Variants in CNTN4 observed in about 807,000 individuals in gnomAD.
CNTN4 encodes contactin-4.
A neutral mutation model predicts 122.5 loss-of-function variants in CNTN4; 77 were observed. The observed-to-expected ratio is 0.63, with a 90% confidence interval of 0.52 to 0.76. CNTN4 has a LOEUF of 0.76. Among genes scored for constraint, CNTN4 ranks in the 30% least tolerant of loss-of-function variants. The probability of loss-of-function intolerance (pLI) is 0.00; values close to 1 mark genes in which losing one functional copy is unlikely to be tolerated. For synonymous variants in CNTN4, 512 were observed against 447.0 expected (o/e 1.15, Z -1.83); for missense variants, 1,256 against 1,259.1 (o/e 1.00, Z 0.04).
intron 4 of CNTN4, among the ~76,000 whole-genome samples, chr3:2,691,046 T>C (rs938068035): frequency 6.6e-6 from 1 of 152,182 alleles, no homozygotes; most frequent in Non-Finnish European, 1.5e-5. Context: ...AGCTTTGCCC[T>C]TGTGATCTTT....
intron 3 of CNTN4, among the ~76,000 whole-genome samples, chr3:2,392,144 C>G (rs892091499): frequency 1.3e-5 from 2 of 152,220 alleles, no homozygotes; most frequent in Non-Finnish European, 2.9e-5. Flanking sequence ...CACACTGTCT[C>G]TCAGCCTTCC....
At chr3:2,604,081 A>T (rs150474990) in intron 4 of CNTN4, among the ~76,000 whole-genome samples, 1 of 152,158 alleles carries the variant, frequency 6.6e-6, no homozygotes, top group Admixed American at 6.5e-5. Context: ...TGGAAGTGAG[A>T]TGTAATTTCT....
chr3:2,988,861 T>C (rs1694817384), intron 14 of CNTN4: 1 of 250,296 alleles, frequency 4.0e-6, no homozygotes, highest in African/African-American at 2.3e-5. Context: ...AAAACATTGT[T>C]TAAACAATGA....
At chr3:2,288,932 G>A (rs1720198) in intron 2 of CNTN4, among the ~76,000 whole-genome samples, 9,997 of 152,128 alleles carry the variant, frequency 0.066, 364 homozygotes, top group African/African-American at 0.079. Flanking sequence ...GTTAAATGAA[G>A]GCATTTTATA....
At chr3:2,645,002 A>C (rs2083057403) in intron 4 of CNTN4, among the ~76,000 whole-genome samples, 1 of 151,670 alleles carries the variant, frequency 6.6e-6, no homozygotes, top group African/African-American at 2.4e-5. Context: ...AAATTTAAAG[A>C]TGGGTGTGGA....
At chr3:2,758,081 A>G (rs2090420013) in intron 6 of CNTN4, among the ~76,000 whole-genome samples, 1 of 152,164 alleles carries the variant, frequency 6.6e-6, no homozygotes, top group Admixed American at 6.5e-5. Context: ...GCTCTACCTC[A>G]TAAAATTTAG....
chr3:2,657,514 G>T (rs12497767), intron 4 of CNTN4, among the ~76,000 whole-genome samples: 24,674 of 152,092 alleles, frequency 0.16, 2,144 homozygotes, highest in African/African-American at 0.22. Context: ...GAGGTTTTGC[G>T]TTTGTGAATT....
intron 6 of CNTN4, among the ~76,000 whole-genome samples, chr3:2,811,499 C>A (rs935158651): frequency 4.6e-5 from 7 of 150,734 alleles, no homozygotes; most frequent in Non-Finnish European, 8.9e-5. Context: ...CTCGCTCTGT[C>A]GCCCAGGCTA....
chr3:2,829,614 A>G (rs1348126134), intron 7 of CNTN4, among the ~76,000 whole-genome samples: 1 of 152,240 alleles, frequency 6.6e-6, no homozygotes, highest in African/African-American at 2.4e-5. Context: ...CTGTGATGCT[A>G]CTGACATACT....
chr3:2,863,289 CCAA>C (rs749883404), intron 7 of CNTN4, among the ~76,000 whole-genome samples: 16 of 152,204 alleles, frequency 1.1e-4, no homozygotes, highest in Non-Finnish European at 1.6e-4. Context: ...AGTGCTTAGG[CCAA>C]CATGTTCTCA....
At chr3:3,043,530 A>G (rs2125798793) in intron 22 of CNTN4, 62 bp from the exon 23 acceptor site, 2 of 1,251,686 alleles carry the variant, frequency 1.6e-6, no homozygotes, top group East Asian at 2.4e-5. Context: ...GTAAGGAGAT[A>G]TTCCTCAGAA....
At chr3:2,483,714 TTC>T (rs1575737773) in intron 3 of CNTN4, among the ~76,000 whole-genome samples, 1 of 152,172 alleles carries the variant, frequency 6.6e-6, no homozygotes, top group Non-Finnish European at 1.5e-5. Context: ...GGCATGCATT[TTC>T]TCTCCTGCCA....
At position 2,200,552 on chromosome 3, in the gene CNTN4, A is replaced by T. The variant is rs540669760; in HGVS notation, c.-145+99913A>T. On this transcript the variant is annotated intron_variant, in intron 2 of 24. Transcript: ENST00000418658. ...TACAATGTACAGGACCACCCCTTCAACAAAGAATGATCTAGCCCAAAGGTC... is the reference window on the plus strand; with the variant it reads ...TACAATGTACAGGACCACCCCTTCATCAAAGAATGATCTAGCCCAAAGGTC... 7.0e-4 allele frequency among the ~76,000 whole-genome samples: 106 copies of T among 152,300 alleles called. 1 individual carries two copies. The highest frequency in any genetic ancestry group is 1.2e-3 in the Non-Finnish European group (83 of 68,024).
chr3:2,146,106 T>TTTTAC (rs1273174919), intron 2 of CNTN4, among the ~76,000 whole-genome samples: 1 of 151,486 alleles, frequency 6.6e-6, no homozygotes, highest in African/African-American at 2.4e-5. Flanking sequence ...ATTTATTTTA[T>TTTTAC]TTTTAAAATA....
intron 4 of CNTN4, among the ~76,000 whole-genome samples, chr3:2,632,102 ATG>A (rs1270560426): frequency 5.6e-5 from 8 of 142,572 alleles, no homozygotes; most frequent in Non-Finnish European, 1.2e-4. Flanking sequence ...GTATGTATGT[ATG>A]TATATATATA....
intron 4 of CNTN4, among the ~76,000 whole-genome samples, chr3:2,730,661 A>G (rs1462414799): frequency 6.6e-6 from 1 of 152,148 alleles, no homozygotes; most frequent in African/African-American, 2.4e-5. Flanking sequence ...TATGCGTGTT[A>G]TCTTTTTTTG....
chr3:2,555,962 C>T (rs1048884078), intron 3 of CNTN4, among the ~76,000 whole-genome samples: 1 of 152,078 alleles, frequency 6.6e-6, no homozygotes, highest in African/African-American at 2.4e-5. Flanking sequence ...CAGGTTCATC[C>T]CTTAGACAGA....
chr3:2,353,530 C>T (rs565644214), intron 3 of CNTN4, among the ~76,000 whole-genome samples: 16 of 152,042 alleles, frequency 1.1e-4, no homozygotes, highest in East Asian at 1.9e-4. Context: ...TAACAGTCAC[C>T]GGGAAGGTCT....
intron 4 of CNTN4, among the ~76,000 whole-genome samples, chr3:2,659,460 C>CAAAAAAAAAAAAAAAAAA (rs59025670): frequency 1.9e-5 from 1 of 53,980 alleles, no homozygotes; most frequent in Non-Finnish European, 3.8e-5. Context: ...GACTCCATCT[C>CAAAAAAAAAAAAAAAAAA]AAAAAAAAAA....
Sources: gnomAD v4.1 joint callset for allele counts (sites outside exome capture counted in the v4.1 genomes callset) on GRCh38, gnomAD v4.1.1 for gene constraint, MANE v1.5 for transcripts, NCBI Gene and HGNC (gene_info 2026-07-23, HGNC 2026-07-21) for gene names.